The following PIK3CD variants were observed in gnomAD, a reference collection of about 807,000 sequenced individuals.
The protein encoded by PIK3CD is phosphatidylinositol-4,5-bisphosphate 3-kinase catalytic subunit delta, also known as phosphatidylinositol 4,5-bisphosphate 3-kinase catalytic subunit delta isoform.
PIK3CD carries 20 observed loss-of-function variants against 122.9 expected under a neutral mutation model. The ratio of observed to expected loss-of-function variants is 0.16; its 90% confidence interval spans 0.11 to 0.24. The LOEUF (loss-of-function observed/expected upper bound fraction) is 0.24. Among genes scored for constraint, PIK3CD ranks in the 10% least tolerant of loss-of-function variants. PIK3CD has a pLI of 1.00. For missense variants in PIK3CD, 787 were observed against 1,406.3 expected (o/e 0.56, Z 7.04); for synonymous variants, 596 against 593.4 (o/e 1.00, Z -0.06).
chr1:9,651,456 G>A (rs1040118298), upstream of PIK3CD, among the ~76,000 whole-genome samples: 1 of 152,180 alleles, frequency 6.6e-6, no homozygotes, highest in Non-Finnish European at 1.5e-5. Context: ...GCGCTTAAAG[G>A]CGCCTAGGAC....
rs75306804 is a variant in PIK3CD at position 9,658,137 on chromosome 1, C to G, written c.-138+6335C>G. 1.6e-3 allele frequency among the ~76,000 whole-genome samples: 248 copies of G among 152,126 alleles called. 2 individuals carry two copies. Among genetic ancestry groups the G allele is most frequent in the African/African-American group, 5.4e-3 (224 of 41,496 alleles). On this transcript the variant is annotated intron_variant, in intron 1 of 23. Coordinates refer to ENST00000377346, the MANE Select transcript of PIK3CD (RefSeq NM_005026.5). ...GTGGTTCATGCTTGTATTCCTAATG[C>G]TTTGGGAAGCTAAGGAAGGAGGATC... is the stretch of plus-strand genomic sequence containing the variant.
At chr1:9,651,286 T>C (rs7518602), upstream of PIK3CD, among the ~76,000 whole-genome samples, 87,771 of 152,028 alleles carry the variant, frequency 0.58, 28,456 homozygotes, top group East Asian at 0.92. Context: ...TGGTCTCCCA[T>C]AGTCACATTT....
intron 1 of PIK3CD, among the ~76,000 whole-genome samples, chr1:9,658,173 A>G (rs1264876592): frequency 6.6e-6 from 1 of 152,096 alleles, no homozygotes; most frequent in Admixed American, 6.6e-5. Context: ...ACTTGAGCCC[A>G]GGAGTTTGAG....
Position 9,728,569 on chromosome 1 carries a change from C to G in PIK3CD, c.*1523C>G, listed in dbSNP as rs1301306934. The G allele has an allele frequency of 6.6e-6, 1 of 152,282 alleles. No individual in the cohort carries two copies. Among genetic ancestry groups the G allele is most frequent in the African/African-American group, 2.4e-5 (1 of 41,476 alleles). The allele number at this position is 152,282 out of a possible 1,614,324, so 9.4% of individuals were successfully genotyped here. A position where few individuals can be genotyped will look rare whatever the true frequency, so the allele number is the denominator to read the frequency against. On this transcript the variant is annotated 3_prime_UTR_variant, in exon 24 of 24. Transcript: ENST00000377346. ...CTGTTCTGATTCACCAGGGGTCCGT[C>G]AGTAGTCATTGCCACCCGCGGGGCA...
At chr1:9,633,835 G>A in the PIK3CD span, among the ~76,000 whole-genome samples, 1 of 152,126 alleles carries the variant, frequency 6.6e-6, no homozygotes, top group Non-Finnish European at 1.5e-5. Flanking sequence ...TGGACAATAG[G>A]AGATACCATC....
At chr1:9,687,315 C>G (rs1008668543) in intron 1 of PIK3CD, 1 of 152,182 alleles carries the variant, frequency 6.6e-6, no homozygotes, top group African/African-American at 2.4e-5. Flanking sequence ...GTGTCCTAGC[C>G]CTGGGATCAT....
chr1:9,684,103 CT>C (rs1645873935), intron 1 of PIK3CD, among the ~76,000 whole-genome samples: 1 of 152,154 alleles, frequency 6.6e-6, no homozygotes. Flanking sequence ...TCTCAAGTCA[CT>C]TAGCATCTCT....
At chr1:9,702,063 C>T (rs1256831754) in intron 2 of PIK3CD, among the ~76,000 whole-genome samples, 3 of 151,208 alleles carry the variant, frequency 2.0e-5, no homozygotes, top group Admixed American at 6.6e-5. Flanking sequence ...GGTGCGATCT[C>T]GGCTCACTGC....
upstream of PIK3CD, chr1:9,651,723 C>T (rs375494648): frequency 6.6e-6 from 1 of 152,000 alleles, no homozygotes; most frequent in African/African-American, 2.4e-5. Context: ...CTCCCTCCCT[C>T]GAGGCTCACT....
chr1:9,668,709 A>G (rs1367652292), intron 1 of PIK3CD, among the ~76,000 whole-genome samples: 1 of 152,152 alleles, frequency 6.6e-6, no homozygotes, highest in Non-Finnish European at 1.5e-5. Flanking sequence ...GTTTTAATCT[A>G]TAGCAGATTG....
intron 1 of PIK3CD, chr1:9,688,378 G>A (rs1277684203): frequency 2.6e-5 from 4 of 152,284 alleles, no homozygotes; most frequent in Non-Finnish European, 5.9e-5. Context: ...CAGAGCAAGA[G>A]GGGTATGGTT....
In PIK3CD at chr1:9,716,702, G is replaced by A. The variant is rs1007117634; in HGVS notation, c.780+83G>A. On this transcript the variant is annotated intron_variant, in intron 6 of 23. Coordinates refer to ENST00000377346, the MANE Select transcript of PIK3CD (RefSeq NM_005026.5). ...GTGGGAGTCGGGGAGCTGACATTTG[G>A]GCGCACCTTGAGCCTGCCGAGCCAG... 1.8e-5 allele frequency: 26 copies of A among 1,424,012 alleles called. No homozygotes were observed. In the African/African-American group the frequency reaches 2.5e-4, roughly 14 times the overall value. 88.2% of individuals were successfully genotyped at this position (1,424,012 alleles called of 1,614,324 possible).
At position 9,724,952 on chromosome 1, in the gene PIK3CD, G is replaced by A; in HGVS notation, c.2997+16G>A. 1 of 1,613,340 alleles carries A rather than the reference G, an allele frequency of 6.2e-7. No individual in the cohort carries two copies. Among genetic ancestry groups the A allele is most frequent in the Non-Finnish European group, 8.5e-7 (1 of 1,180,024 alleles). Reference sequence around the variant, plus strand: ...GTATCTCAAGGTATGTGCCGGGCAGGAGACTGCTGTCGCCAGTGGACTTCC... The same window carrying A: ...GTATCTCAAGGTATGTGCCGGGCAGAAGACTGCTGTCGCCAGTGGACTTCC... On this transcript the variant is annotated intron_variant, in intron 23 of 23. Transcript: ENST00000377346. The surrounding 1 kb of genome is among the most constrained non-coding windows in gnomAD (Gnocchi z 7.3).
In PIK3CD at chr1:9,721,968, C is replaced by T; in HGVS notation, c.2056-7C>T. 1 of 1,613,508 alleles carries T rather than the reference C, an allele frequency of 6.2e-7. No homozygotes were observed. The highest frequency in any genetic ancestry group is 8.5e-7 in the Non-Finnish European group (1 of 1,179,984). On this transcript the variant is annotated splice_polypyrimidine_tract_variant and splice_region_variant and intron_variant, in intron 16 of 23. Coordinates refer to ENST00000377346, the MANE Select transcript of PIK3CD (RefSeq NM_005026.5). ...TGCCCACCGCCGCCCTCCCATCTGC[C>T]CACCAGGGGGAAGCACTGAGCAAAC...
In PIK3CD at chr1:9,717,505, C is replaced by T; in HGVS notation, c.931-32C>T. On this transcript the variant is annotated intron_variant, in intron 7 of 23. Coordinates refer to ENST00000377346, the MANE Select transcript of PIK3CD (RefSeq NM_005026.5). This position sits in a 1 kb window ranked among gnomAD's most constrained non-coding sequence, Gnocchi z 5.4. Reference sequence around the variant, plus strand: ...CAGGGAGACAAGCTGCACTTTGAGCCGTGTTAACAGCCCTGCTTCCCCGGC... The same window carrying T: ...CAGGGAGACAAGCTGCACTTTGAGCTGTGTTAACAGCCCTGCTTCCCCGGC... 1.9e-6 allele frequency: 3 copies of T among 1,601,572 alleles called. No individual in the cohort carries two copies. The highest frequency in any genetic ancestry group is 1.1e-5 in the South Asian group (1 of 90,850).
intron 2 of PIK3CD, among the ~76,000 whole-genome samples, chr1:9,694,088 A>C (rs1557633401): frequency 6.6e-6 from 1 of 152,210 alleles, no homozygotes; most frequent in East Asian, 1.9e-4. Context: ...TTAGTTTGCC[A>C]AGCAGTGAGA....
At chr1:9,725,581 A>T (rs1361491988) in intron 23 of PIK3CD, among the ~76,000 whole-genome samples, 4 of 149,922 alleles carry the variant, frequency 2.7e-5, no homozygotes, top group Non-Finnish European at 5.9e-5. Flanking sequence ...AAATAATAAA[A>T]AAAGATATTT....
At chr1:9,677,105 C>G (rs1645568080) in intron 1 of PIK3CD, among the ~76,000 whole-genome samples, 1 of 152,144 alleles carries the variant, frequency 6.6e-6, no homozygotes, top group Non-Finnish European at 1.5e-5. Context: ...AGGAGGACCC[C>G]TAAGCTGACA....
chr1:9,678,144 C>CAA (rs58400420), intron 1 of PIK3CD, among the ~76,000 whole-genome samples: 1 of 134,102 alleles, frequency 7.5e-6, no homozygotes, highest in Non-Finnish European at 1.6e-5. Flanking sequence ...AACTCCATCT[C>CAA]AAAAAAAAAA....
Sources: gnomAD v4.1 joint callset for allele counts (sites outside exome capture counted in the v4.1 genomes callset) on GRCh38, gnomAD v4.1.1 for gene constraint, Gnocchi (gnomAD v3.1) non-coding constraint, MANE v1.5 for transcripts, NCBI Gene and HGNC (gene_info 2026-07-23, HGNC 2026-07-21) for gene names.